Variants in TNFRSF8 observed in about 807,000 individuals in gnomAD.
TNFRSF8 encodes the protein TNF receptor superfamily member 8, also known as tumor necrosis factor receptor superfamily member 8.
In TNFRSF8, 26 loss-of-function variants were observed where a neutral mutation model predicts 70.8. The ratio of observed to expected loss-of-function variants is 0.37; its 90% CI spans 0.27 to 0.51. TNFRSF8 has a LOEUF of 0.51. Among genes scored for constraint, TNFRSF8 ranks in the 20% least tolerant of loss-of-function variants. TNFRSF8 has a pLI of 0.94. For synonymous variants in TNFRSF8, 356 were observed against 339.2 expected (o/e 1.05, Z -0.54); for missense variants, 720 against 807.9 (o/e 0.89, Z 1.32).
intron 7 of TNFRSF8, among the ~76,000 whole-genome samples, chr1:12,114,987 G>A (rs1257288971): frequency 1.3e-5 from 2 of 152,028 alleles, no homozygotes; most frequent in African/African-American, 2.4e-5. Context: ...GATTACAGTC[G>A]TGAGCCACCG....
At position 12,112,445 on chromosome 1, in the gene TNFRSF8, G is replaced by A. The variant is rs935718555; in HGVS notation, c.793+431G>A. Among the ~76,000 whole-genome samples, 4 of 151,572 alleles carry A rather than the reference G, an allele frequency of 2.6e-5. No homozygotes were observed. The highest frequency in any genetic ancestry group is 4.9e-5 in the African/African-American group (2 of 41,214). On this transcript the variant is annotated intron_variant, in intron 7 of 14. Transcript: ENST00000263932. This position sits in a 1 kb window ranked among gnomAD's most constrained non-coding sequence, Gnocchi z 5.3. ...CACTCCTTCACCCAAGCTGCAGTACGGTGGTGGGATCATAGCTCCCTGCAG... is the reference window on the plus strand; with the variant it reads ...CACTCCTTCACCCAAGCTGCAGTACAGTGGTGGGATCATAGCTCCCTGCAG...
intron 10 of TNFRSF8, among the ~76,000 whole-genome samples, chr1:12,124,161 C>A (rs1411175641): frequency 1.3e-5 from 2 of 152,070 alleles, no homozygotes. Context: ...CTTGCCACCA[C>A]GCCTGGCTAA....
At chr1:12,126,773 T>G (rs900825616) in intron 12 of TNFRSF8, among the ~76,000 whole-genome samples, 2 of 152,234 alleles carry the variant, frequency 1.3e-5, no homozygotes, top group African/African-American at 4.8e-5. Context: ...GTGTCTCAGT[T>G]TCCTCATCCG....
intron 12 of TNFRSF8, among the ~76,000 whole-genome samples, chr1:12,127,107 G>A (rs57409594): frequency 0.016 from 2,404 of 152,314 alleles, 56 homozygotes; most frequent in African/African-American, 0.055. Flanking sequence ...GCTCTCACCT[G>A]GGGCAGGGGG....
intron 12 of TNFRSF8, among the ~76,000 whole-genome samples, chr1:12,132,023 GCAT>G (rs1391576583): frequency 6.7e-6 from 1 of 149,634 alleles, no homozygotes; most frequent in African/African-American, 2.5e-5. Flanking sequence ...GGAACTCCTG[GCAT>G]CGTGATTTGC....
At chr1:12,099,741 A>G (rs1641388019) in intron 3 of TNFRSF8, among the ~76,000 whole-genome samples, 1 of 151,730 alleles carries the variant, frequency 6.6e-6, no homozygotes, top group African/African-American at 2.4e-5. Flanking sequence ...AGCCTACTGC[A>G]CACCTAGGTT....
At position 12,138,696 on chromosome 1, in the gene TNFRSF8, G is replaced by A. The variant is rs979571803; in HGVS notation, c.1543+260G>A. On this transcript the variant is annotated intron_variant, in intron 14 of 14. Coordinates refer to ENST00000263932, the MANE Select transcript of TNFRSF8 (RefSeq NM_001243.5). This position sits in a 1 kb window ranked among gnomAD's most constrained non-coding sequence, Gnocchi z 5.7. ...CTCATAAAAAACGAACACCACCCCAGCCCCCAACACCGAGCACCCGAGGGG... is the reference window on the plus strand; with the variant it reads ...CTCATAAAAAACGAACACCACCCCAACCCCCAACACCGAGCACCCGAGGGG... 6.6e-6 allele frequency among the ~76,000 whole-genome samples: 1 copy of A among 152,174 alleles called. No homozygotes were observed. The highest frequency in any genetic ancestry group is 1.5e-5 in the Non-Finnish European group (1 of 68,032).
At chr1:12,064,202 A>G (rs11121853) in intron 1 of TNFRSF8, among the ~76,000 whole-genome samples, 34,457 of 152,042 alleles carry the variant, frequency 0.23, 4,593 homozygotes, top group Admixed American at 0.43. Context: ...TAGCTTCCCC[A>G]ATCCGCGTCC....
intron 12 of TNFRSF8, among the ~76,000 whole-genome samples, chr1:12,129,262 A>G (rs574369090): frequency 1.3e-5 from 2 of 152,226 alleles, no homozygotes; most frequent in African/African-American, 2.4e-5. Flanking sequence ...TGGTATAAGT[A>G]TGAAGAATTC....
At position 12,092,355 on chromosome 1, in the gene TNFRSF8, T is replaced by G. The variant is rs1052424971; in HGVS notation, c.152-4746T>G. Among the ~76,000 whole-genome samples, 17 of 152,132 alleles carry G rather than the reference T, an allele frequency of 1.1e-4. 1 individual carries two copies. The highest frequency in any genetic ancestry group is 3.4e-3 in the Middle Eastern group (1 of 294). ...TCACACCTGGCTAATTTTCTATTGT[T>G]GTAGATGGGGTCTTGCCTTGTTGCC... On this transcript the variant is annotated intron_variant, in intron 2 of 14. Coordinates refer to ENST00000263932, the MANE Select transcript of TNFRSF8 (RefSeq NM_001243.5).
chr1:12,065,207 C>G (rs1361287006), intron 1 of TNFRSF8, among the ~76,000 whole-genome samples: 2 of 151,434 alleles, frequency 1.3e-5, no homozygotes, highest in Non-Finnish European at 2.9e-5. Context: ...CTCAGCCTCC[C>G]AGGTAGCTGG....
Position 12,142,428 on chromosome 1 carries a change from A to C in TNFRSF8, c.1685A>C (p.Glu562Ala). ...LEADHTPHYP[E>A]QETEPPLGSC... ...GCGGACCATACCCCCCACTACCCCG[A>C]GCAGGAGACAGAACCGCCTCTGGGC... Residue 562 changes from glutamate to alanine, a missense_variant, in exon 15 of 15, where the codon GAG becomes GCG. Transcript: ENST00000263932. This position sits in a 1 kb window ranked among gnomAD's most constrained non-coding sequence, Gnocchi z 5.0. The C allele has an allele frequency of 6.2e-7, 1 of 1,612,394 alleles. No individual in the cohort carries two copies. The highest frequency in any genetic ancestry group is 8.5e-7 in the Non-Finnish European group (1 of 1,179,248).
chr1:12,087,345 T>G (rs1641173134), intron 2 of TNFRSF8, among the ~76,000 whole-genome samples: 1 of 151,878 alleles, frequency 6.6e-6, no homozygotes, highest in African/African-American at 2.4e-5. Flanking sequence ...TTTTTGTATT[T>G]TTAGTAGAGA....
chr1:12,142,573 T>TC lies in TNFRSF8; in HGVS notation c.*43dup. 6.5e-7 allele frequency: 1 copy of TC among 1,543,586 alleles called. No homozygotes were observed. The highest frequency in any genetic ancestry group is 2.5e-5 in the East Asian group (1 of 40,816). On this transcript the variant is annotated 3_prime_UTR_variant, in exon 15 of 15. Coordinates refer to ENST00000263932, the MANE Select transcript of TNFRSF8 (RefSeq NM_001243.5). The surrounding 1 kb of genome is among the most constrained non-coding windows in gnomAD (Gnocchi z 5.0). ...GGGCTAGGAGGGCAGCAGGGTGGCC[T>TC]CTGGGAGGCCAGGATGGCACTGTTG...
rs1041241494 is a variant in TNFRSF8 at position 12,141,813 on chromosome 1, C to T, written c.1544-474C>T. Reference sequence around the variant, plus strand: ...TGGGGGATTTCTCCTAACTACGTGGCGACCTTGGGCAGGTCATTTAACCTC... The same window carrying T: ...TGGGGGATTTCTCCTAACTACGTGGTGACCTTGGGCAGGTCATTTAACCTC... On this transcript the variant is annotated intron_variant, in intron 14 of 14. Transcript: ENST00000263932. The surrounding 1 kb of genome is among the most constrained non-coding windows in gnomAD (Gnocchi z 5.4). 6.6e-5 allele frequency among the ~76,000 whole-genome samples: 10 copies of T among 152,118 alleles called. No homozygotes were observed. The highest frequency in any genetic ancestry group is 1.9e-4 in the East Asian group (1 of 5,188).
Position 12,109,942 on chromosome 1 carries a change from G to A in TNFRSF8, c.513-99G>A, listed in dbSNP as rs1392747912. On this transcript the variant is annotated intron_variant, in intron 5 of 14. Transcript: ENST00000263932. The surrounding 1 kb of genome is among the most constrained non-coding windows in gnomAD (Gnocchi z 4.4). ...GCCCGCCAGAGGCAGTGGGCCAAGG[G>A]CCTGGGACCCCATCTCTGTGGAAAC... 2.3e-5 allele frequency: 33 copies of A among 1,447,188 alleles called. No homozygotes were observed. In the East Asian group the frequency reaches 4.8e-4, roughly 21 times the overall value. The allele number at this position is 1,447,188 out of a possible 1,614,324, so 89.6% of individuals were successfully genotyped here. A position where few individuals can be genotyped will look rare whatever the true frequency, so the allele number is the denominator to read the frequency against.
In TNFRSF8 at chr1:12,143,499, CA is replaced by C. The variant is rs1174826267; in HGVS notation, c.*971del. 3 of 152,332 alleles carry C rather than the reference CA, an allele frequency of 2.0e-5. No individual in the cohort carries two copies. Among genetic ancestry groups the C allele is most frequent in the African/African-American group, 7.2e-5 (3 of 41,446 alleles). 9.4% of individuals were successfully genotyped at this position (152,332 alleles called of 1,614,324 possible). The stretch of plus-strand genomic sequence containing the variant: ...ATCTTCCTTAGGTCTGCCCTGCTTG[CA>C]AATCCACTAGCACCGACCCCACCAC... On this transcript the variant is annotated 3_prime_UTR_variant, in exon 15 of 15. Coordinates refer to ENST00000263932, the MANE Select transcript of TNFRSF8 (RefSeq NM_001243.5). The surrounding 1 kb of genome is among the most constrained non-coding windows in gnomAD (Gnocchi z 4.1).
intron 1 of TNFRSF8, among the ~76,000 whole-genome samples, chr1:12,083,853 T>C (rs1343867238): frequency 6.6e-6 from 1 of 152,240 alleles, no homozygotes; most frequent in Non-Finnish European, 1.5e-5. Context: ...GGGAATGGAC[T>C]GCGTAATTCT....
At chr1:12,102,057 A>C (rs933596701) in intron 3 of TNFRSF8, among the ~76,000 whole-genome samples, 1 of 152,120 alleles carries the variant, frequency 6.6e-6, no homozygotes, top group African/African-American at 2.4e-5. Context: ...TGAAGGTATC[A>C]TTTCTAATGT....
Sources: gnomAD v4.1 joint callset for allele counts (sites outside exome capture counted in the v4.1 genomes callset) on GRCh38, gnomAD v4.1.1 for gene constraint, Gnocchi (gnomAD v3.1) non-coding constraint, MANE v1.5 for transcripts, NCBI Gene and HGNC (gene_info 2026-07-23, HGNC 2026-07-21) for gene names.